Variants in VSIG1 observed in about 807,000 individuals in gnomAD.
VSIG1 encodes the protein V-set and immunoglobulin domain-containing protein 1.
Under a neutral mutation model 20.1 loss-of-function variants are expected in VSIG1, and 11 were observed. That is an observed-to-expected ratio of 0.55 (90% CI 0.34 to 0.91). The LOEUF (loss-of-function observed/expected upper bound fraction) is 0.91. Ranked by LOEUF, VSIG1 falls within the 40% of genes least tolerant of loss-of-function variation. VSIG1 has a pLI of 0.02. For missense variants in VSIG1, 283 were observed against 298.8 expected (o/e 0.95, Z 0.39); for synonymous variants, 126 against 116.7 (o/e 1.08, Z -0.52).
the VSIG1 span, among the ~76,000 whole-genome samples, chrX:108,025,929 T>A: frequency 8.9e-6 from 1 of 112,000 alleles, no homozygotes; most frequent in African/African-American, 3.3e-5. Flanking sequence ...AGTTCACTTG[T>A]AAATGTTCGA....
Position 108,047,799 on chromosome X carries a change from T to TATATATATATACATATATATATAC in VSIG1, c.49+2629_49+2630insTACATATATATATACATATATATA, listed in dbSNP as rs1555980244. ...CTCTCTCTCTCTCTCTCTATATATA[T>TATATATATATACATATATATATAC]ATATATATACATATATATATACATA... is the stretch of plus-strand genomic sequence containing the variant. On this transcript the variant is annotated intron_variant, in intron 1 of 6. Coordinates refer to ENST00000217957, the MANE Select transcript of VSIG1 (RefSeq NM_182607.5). Among the ~76,000 whole-genome samples the TATATATATATACATATATATATAC allele has an allele frequency of 2.1e-3, 143 of 68,529 alleles. 1 individual carries two copies. The highest frequency in any genetic ancestry group is 3.2e-3 in the Non-Finnish European group (121 of 37,732). 59.5% of individuals were successfully genotyped at this position (68,529 alleles called of 115,157 possible).
intron 2 of VSIG1, among the ~76,000 whole-genome samples, chrX:108,063,882 T>C (rs2031077982): frequency 9.0e-6 from 1 of 110,804 alleles, no homozygotes; most frequent in Non-Finnish European, 1.9e-5. Context: ...AAAAATCACC[T>C]CCTCCCCACC....
chrX:108,047,788 C>A (rs185076479), intron 1 of VSIG1, among the ~76,000 whole-genome samples: 8,154 of 56,113 alleles, frequency 0.15, 565 homozygotes, highest in East Asian at 0.25. Flanking sequence ...CTCTCTCTCT[C>A]TCTATATATA....
intron 1 of VSIG1, among the ~76,000 whole-genome samples, chrX:108,052,300 G>A (rs139894459): frequency 0.011 from 1,233 of 111,168 alleles, 13 homozygotes; most frequent in South Asian, 0.031. Context: ...AAAACAAAAC[G>A]AAACAAAAGA....
chrX:108,065,084 G>A (rs370514958), intron 2 of VSIG1, among the ~76,000 whole-genome samples: 1 of 111,824 alleles, frequency 8.9e-6, no homozygotes, highest in African/African-American at 3.3e-5. Context: ...TAGAAAAAAC[G>A]GGAGAGAAAC....
rs760329551 is a variant in VSIG1, at chrX:108,076,322, G to A, written c.830+104G>A. On this transcript the variant is annotated intron_variant, in intron 6 of 6. Transcript: ENST00000217957. ...ACTCCTTTTAGTATAAGATATCAGA[G>A]GTATCTTTCTGTTTACTCTCATTGA... The A allele has an allele frequency of 1.8e-3, 1,733 of 946,207 alleles. 3 individuals are homozygous for A. Among genetic ancestry groups the A allele is most frequent in the Non-Finnish European group, 2.3e-3 (1,606 of 696,031 alleles). The allele number at this position is 946,207 out of a possible 1,213,427, so 78.0% of individuals were successfully genotyped here.
At chrX:108,047,764 TTCTCTCTCTC>T (rs1178957774) in intron 1 of VSIG1, among the ~76,000 whole-genome samples, 10 of 61,243 alleles carry the variant, frequency 1.6e-4, no homozygotes, top group African/African-American at 7.1e-4. Flanking sequence ...ATACAAGACA[TTCTCTCTCTC>T]TCTCTCTCTC....
In VSIG1 at chrX:108,058,038, G is replaced by C; in HGVS notation, c.50G>C (p.Gly17Ala). The C allele has an allele frequency of 8.3e-7, 1 of 1,198,357 alleles. No individual in the cohort carries two copies. Among genetic ancestry groups the C allele is most frequent in the Non-Finnish European group, 1.1e-6 (1 of 889,870 alleles). ...GATTTTTTTATGATTATCTTTTCAG[G>C]TCAGGTTAGTGTGGTGCAAGTGACC... Reference protein sequence around the residue: ...KVFLILSCLAGQVSVVQVTIP... With the variant: ...KVFLILSCLAAQVSVVQVTIP... Residue 17 changes from glycine (G) to alanine (A), a missense_variant and splice_region_variant, in exon 2 of 7, where the codon GGT becomes GCT. By Grantham distance (60) the Gly-to-Ala change is moderately conservative. Transcript: ENST00000217957.
Position 108,047,921 on chromosome X carries a change from C to CAT in VSIG1, c.49+2754_49+2755dup, listed in dbSNP as rs1216515432. ...ATATATATACACATATATATATACACATATATATATATACACATATATATA... is the reference window on the plus strand; with the variant it reads ...ATATATATACACATATATATATACACATATATATATATATACACATATATATA... On this transcript the variant is annotated intron_variant, in intron 1 of 6. Coordinates refer to ENST00000217957, the MANE Select transcript of VSIG1 (RefSeq NM_182607.5). Among the ~76,000 whole-genome samples the CAT allele has an allele frequency of 6.4e-4, 39 of 60,869 alleles. 4 individuals are homozygous for CAT. The highest frequency in any genetic ancestry group is 8.7e-4 in the Non-Finnish European group (32 of 36,864). The allele number at this position is 60,869 out of a possible 115,157, so 52.9% of individuals were successfully genotyped here.
At chrX:108,063,552 C>T (rs984945039) in intron 2 of VSIG1, among the ~76,000 whole-genome samples, 6 of 111,317 alleles carry the variant, frequency 5.4e-5, no homozygotes, top group Admixed American at 1.9e-4. Flanking sequence ...TTGACTTTTC[C>T]GTTCCCTGCA....
intron 3 of VSIG1, among the ~76,000 whole-genome samples, chrX:108,069,509 T>C (rs1263552613): frequency 8.9e-6 from 1 of 111,853 alleles, no homozygotes; most frequent in Non-Finnish European, 1.9e-5. Context: ...TTGCTTGCCC[T>C]GACTGAAAGG....
chrX:108,037,276 A>T, the VSIG1 span, among the ~76,000 whole-genome samples: 1 of 112,382 alleles, frequency 8.9e-6, no homozygotes, highest in Non-Finnish European at 1.9e-5. Flanking sequence ...TTCAATCAAT[A>T]AATTCTGATT....
chrX:108,072,731 C>G lies in VSIG1; in HGVS notation c.467C>G (p.Thr156Ser), dbSNP rs1469942896. 8.3e-7 allele frequency: 1 copy of G among 1,210,969 alleles called. No homozygotes were observed. The highest frequency in any genetic ancestry group is 1.1e-6 in the Non-Finnish European group (1 of 894,943). The change falls in exon 4 of 7, where the codon ACT becomes AGT. Residue 156 changes from threonine to serine, a missense_variant. Coordinates refer to ENST00000217957, the MANE Select transcript of VSIG1 (RefSeq NM_182607.5). ...SVQGRPETGHTISLSCLSALG... is the reference protein window; with the variant it reads ...SVQGRPETGHSISLSCLSALG... ...CAAGGAAGACCAGAAACTGGCCACA[C>G]TATTTCCCTTTCCTGTCTCTCTGCG... is the stretch of plus-strand genomic sequence containing the variant.
chrX:108,031,864 G>A, the VSIG1 span, among the ~76,000 whole-genome samples: 1 of 112,026 alleles, frequency 8.9e-6, no homozygotes, highest in African/African-American at 3.2e-5. Context: ...CTGACTTAAA[G>A]GCTTAACTGG....
chrX:108,031,318 T>C, the VSIG1 span, among the ~76,000 whole-genome samples: 5 of 112,262 alleles, frequency 4.5e-5, no homozygotes, highest in Admixed American at 9.4e-5. Context: ...CTTCTTCAAA[T>C]ACAGTATTAT....
upstream of VSIG1, among the ~76,000 whole-genome samples, chrX:108,044,205 A>G (rs182150115): frequency 7.8e-4 from 87 of 111,380 alleles, 3 homozygotes; most frequent in East Asian, 0.023. Context: ...AGGACTTAGA[A>G]ATCACATGGG....
At chrX:108,064,718 G>C (rs1050609845) in intron 2 of VSIG1, 2 of 750,009 alleles carry the variant, frequency 2.7e-6, no homozygotes, top group African/African-American at 4.6e-5. Context: ...AGTCTCCTTG[G>C]GAGGAGGGGA....
chrX:108,074,635 A>G (rs1324981475), intron 5 of VSIG1, among the ~76,000 whole-genome samples: 1 of 112,286 alleles, frequency 8.9e-6, no homozygotes, highest in African/African-American at 3.2e-5. Flanking sequence ...TAAATCCTAT[A>G]ATAGAAGTCT....
intron 1 of VSIG1, among the ~76,000 whole-genome samples, chrX:108,048,859 A>G (rs1602565713): frequency 8.9e-6 from 1 of 112,638 alleles, no homozygotes; most frequent in African/African-American, 3.2e-5. Flanking sequence ...GAGATAGAAC[A>G]TTTCCATCAT....
Sources: gnomAD v4.1 joint callset for allele counts (sites outside exome capture counted in the v4.1 genomes callset) on GRCh38, gnomAD v4.1.1 for gene constraint, MANE v1.5 for transcripts, NCBI Gene and HGNC (gene_info 2026-07-23, HGNC 2026-07-21) for gene names.